Variants in TTC29 observed in about 807,000 individuals in gnomAD.
TTC29 encodes the protein tetratricopeptide repeat domain 29.
Under a neutral mutation model 58.1 loss-of-function variants are expected in TTC29, and 49 were observed. The ratio of observed to expected loss-of-function variants is 0.84; its 90% CI spans 0.67 to 1.07. TTC29 has a LOEUF of 1.07. TTC29 is among the 50% of genes least tolerant of loss of function. TTC29 has a pLI of 0.00. For missense variants in TTC29, 582 were observed against 555.6 expected (o/e 1.05, Z -0.48); for synonymous variants, 209 against 196.8 (o/e 1.06, Z -0.52).
At chr4:146,825,223 T>G (rs1402319382) in intron 9 of TTC29, among the ~76,000 whole-genome samples, 3 of 152,176 alleles carry the variant, frequency 2.0e-5, no homozygotes, top group Non-Finnish European at 4.4e-5. Context: ...TTTCCCACTT[T>G]CTCCTGTGGG....
intron 10 of TTC29, among the ~76,000 whole-genome samples, chr4:146,808,965 C>A (rs987907012): frequency 1.1e-4 from 16 of 152,054 alleles, no homozygotes; most frequent in African/African-American, 3.6e-4. Flanking sequence ...CTGGAGGCAT[C>A]ATGCTACCTG....
chr4:146,865,885 A>C (rs960093210), intron 8 of TTC29, among the ~76,000 whole-genome samples: 1 of 152,188 alleles, frequency 6.6e-6, no homozygotes, highest in Admixed American at 6.5e-5. Context: ...TGCAATGTTT[A>C]TCTGCCAATC....
chr4:146,832,479 C>T (rs769244214), intron 9 of TTC29, among the ~76,000 whole-genome samples: 4 of 152,048 alleles, frequency 2.6e-5, no homozygotes, highest in Non-Finnish European at 4.4e-5. Context: ...CCCATACTCT[C>T]CTTCTTTTCC....
chr4:146,765,648 C>G (rs561445974), intron 11 of TTC29, among the ~76,000 whole-genome samples: 1 of 152,266 alleles, frequency 6.6e-6, no homozygotes, highest in South Asian at 2.1e-4. Context: ...CAAGGTATTT[C>G]TTGTTTCTAC....
intron 8 of TTC29, among the ~76,000 whole-genome samples, chr4:146,857,349 T>C (rs1011689909): frequency 7.3e-5 from 11 of 150,554 alleles, no homozygotes; most frequent in African/African-American, 2.7e-4. Context: ...TTGGGGGAAA[T>C]GGGATCTGTA....
rs1429662340 is a variant in TTC29, at chr4:146,803,647, A to G, written c.1140T>C (p.Ala380=). 1 of 1,600,894 alleles carries G rather than the reference A, an allele frequency of 6.2e-7. No individual in the cohort carries two copies. The highest frequency in any genetic ancestry group is 2.2e-5 in the East Asian group (1 of 44,558). Residue 380 remains alanine, a synonymous_variant, in exon 11 of 13, where the codon GCT becomes GCC. Coordinates refer to ENST00000325106, the MANE Select transcript of TTC29 (RefSeq NM_031956.4). The part of the protein sequence containing the change: ...YNKASECFQQ[A]FDTTVELMSM... ...TCATTAGCTCTACTGTTGTGTCAAAAGCTTGCTGAAAGCATTCAGAAGCTT... is the reference window on the plus strand; with the variant it reads ...TCATTAGCTCTACTGTTGTGTCAAAGGCTTGCTGAAAGCATTCAGAAGCTT...
intron 11 of TTC29, among the ~76,000 whole-genome samples, chr4:146,787,297 A>C (rs1362349197): frequency 2.6e-5 from 4 of 152,168 alleles, no homozygotes; most frequent in African/African-American, 9.7e-5. Context: ...CAAATGAAAG[A>C]ATTCTACTTA....
chr4:146,890,582 C>A (rs1437648834), intron 6 of TTC29, among the ~76,000 whole-genome samples: 1 of 152,156 alleles, frequency 6.6e-6, no homozygotes, highest in Non-Finnish European at 1.5e-5. Context: ...GGAGACAGGG[C>A]CAAAGACAAG....
intron 7 of TTC29, among the ~76,000 whole-genome samples, chr4:146,872,111 T>A (rs1730971996): frequency 6.6e-6 from 1 of 152,054 alleles, no homozygotes; most frequent in South Asian, 2.1e-4. Flanking sequence ...TATGGTCAAA[T>A]GATTTTATGT....
At chr4:146,738,194 A>G (rs1744864599) in intron 11 of TTC29, among the ~76,000 whole-genome samples, 1 of 152,232 alleles carries the variant, frequency 6.6e-6, no homozygotes, top group Non-Finnish European at 1.5e-5. Flanking sequence ...ATGAAAAAGT[A>G]GGGGTAAAAA....
intron 9 of TTC29, among the ~76,000 whole-genome samples, chr4:146,828,185 G>T (rs187415234): frequency 2.1e-4 from 32 of 152,158 alleles, no homozygotes; most frequent in African/African-American, 7.7e-4. Flanking sequence ...ATGAATTATT[G>T]GAGGAAATTT....
intron 4 of TTC29, among the ~76,000 whole-genome samples, chr4:146,911,945 A>G (rs1178822213): frequency 6.6e-6 from 1 of 152,176 alleles, no homozygotes; most frequent in Non-Finnish European, 1.5e-5. Flanking sequence ...GTCTGCAAAG[A>G]TGGAGGAAGG....
chr4:146,787,897 C>T (rs201998036), intron 11 of TTC29, among the ~76,000 whole-genome samples: 15 of 149,070 alleles, frequency 1.0e-4, no homozygotes, highest in East Asian at 3.9e-4. Context: ...AATCTGCCCC[C>T]TTTTTTTTTT....
chr4:146,783,391 C>G (rs1281857210), intron 11 of TTC29, among the ~76,000 whole-genome samples: 1 of 151,682 alleles, frequency 6.6e-6, no homozygotes, highest in Non-Finnish European at 1.5e-5. Flanking sequence ...TCAACTTAGC[C>G]TCTCTCTCAG....
intron 8 of TTC29, among the ~76,000 whole-genome samples, chr4:146,856,057 A>T (rs1426080663): frequency 6.6e-6 from 1 of 152,168 alleles, no homozygotes; most frequent in Non-Finnish European, 1.5e-5. Context: ...TTCATACACT[A>T]GGCCTTGAAC....
intron 4 of TTC29, among the ~76,000 whole-genome samples, chr4:146,936,249 G>A (rs748142235): frequency 1.3e-4 from 20 of 152,118 alleles, no homozygotes; most frequent in Admixed American, 2.6e-4. Flanking sequence ...ATTTTGCATT[G>A]TCTTAGATAA....
At chr4:146,923,336 C>T (rs1734718974) in intron 4 of TTC29, among the ~76,000 whole-genome samples, 1 of 151,556 alleles carries the variant, frequency 6.6e-6, no homozygotes, top group Non-Finnish European at 1.5e-5. Flanking sequence ...CACGCGCGTG[C>T]ACACTAACAC....
intron 11 of TTC29, among the ~76,000 whole-genome samples, chr4:146,776,460 T>C (rs1416968075): frequency 6.6e-6 from 1 of 151,692 alleles, no homozygotes; most frequent in Non-Finnish European, 1.5e-5. Flanking sequence ...TTTTCTTTTA[T>C]CTTCTTTGAT....
chr4:146,792,362 A>C (rs1749523630), intron 11 of TTC29, among the ~76,000 whole-genome samples: 1 of 152,212 alleles, frequency 6.6e-6, no homozygotes, highest in African/African-American at 2.4e-5. Context: ...TATAAATGGA[A>C]CAACAAAGAC....
Sources: gnomAD v4.1 joint callset for allele counts (sites outside exome capture counted in the v4.1 genomes callset) on GRCh38, gnomAD v4.1.1 for gene constraint, MANE v1.5 for transcripts, NCBI Gene and HGNC (gene_info 2026-07-23, HGNC 2026-07-21) for gene names.